Variants in IFT43 observed in about 807,000 individuals in gnomAD.
IFT43 encodes the protein intraflagellar transport 43.
A neutral mutation model predicts 32.3 loss-of-function variants in IFT43; 33 were observed. The ratio of observed to expected loss-of-function variants is 1.02; its 90% CI spans 0.77 to 1.37. The LOEUF (loss-of-function observed/expected upper bound fraction) is 1.37. Among genes scored for constraint, IFT43 ranks in the 40% most tolerant of loss-of-function variants. IFT43 has a pLI of 0.00. For missense variants in IFT43, 274 were observed against 265.9 expected, an observed-to-expected ratio of 1.03 and a Z score of -0.21; for synonymous variants, 93 against 98.2, an observed-to-expected ratio of 0.95 and a Z score of 0.31.
intron 5 of IFT43, among the ~76,000 whole-genome samples, chr14:76,060,851 TTCCTTC>T (rs1191338131): frequency 1.4e-3 from 202 of 140,956 alleles, no homozygotes; most frequent in Middle Eastern, 3.5e-3. Context: ...CCTTCCTTCC[TTCCTTC>T]CTTCTTTTCT....
At chr14:75,992,322 G>A (rs1045827187) in intron 2 of IFT43, among the ~76,000 whole-genome samples, 12 of 152,184 alleles carry the variant, frequency 7.9e-5, no homozygotes, top group Non-Finnish European at 2.9e-5. Flanking sequence ...AGTGAGATAC[G>A]CATTGAGACG....
intron 2 of IFT43, among the ~76,000 whole-genome samples, chr14:76,016,350 A>C (rs993989008): frequency 6.6e-6 from 1 of 152,152 alleles, no homozygotes. Flanking sequence ...TTGTTTTCAA[A>C]AATCGTTTGG....
chr14:75,987,344 G>A (rs1416193612), intron 1 of IFT43, among the ~76,000 whole-genome samples: 1 of 152,218 alleles, frequency 6.6e-6, no homozygotes, highest in Admixed American at 6.5e-5. Flanking sequence ...AAACCTAAAT[G>A]ACACTACAAT....
At chr14:76,043,148 T>C (rs1318239459) in intron 3 of IFT43, among the ~76,000 whole-genome samples, 2 of 152,214 alleles carry the variant, frequency 1.3e-5, no homozygotes, top group Non-Finnish European at 2.9e-5. Flanking sequence ...TCCAAAAGGA[T>C]GTGTGAACAT....
In IFT43 at chr14:76,083,661, G is replaced by T. The variant is rs1253878345; in HGVS notation, c.*84G>T. 1 of 1,261,290 alleles carries T rather than the reference G, an allele frequency of 7.9e-7. No homozygotes were observed. The highest frequency in any genetic ancestry group is 1.8e-5 in the Admixed American group (1 of 56,544). 78.1% of individuals were successfully genotyped at this position (1,261,290 alleles called of 1,614,324 possible). On this transcript the variant is annotated 3_prime_UTR_variant, in exon 9 of 9. Coordinates refer to ENST00000314067, the MANE Select transcript of IFT43 (RefSeq NM_001102564.3). The stretch of plus-strand genomic sequence containing the variant: ...TGTAAGCAGCTCCGAATTTTTACCT[G>T]GAATATTTTGTAATAAAAATATTTA...
At chr14:75,997,651 G>A (rs2035772595) in intron 2 of IFT43, among the ~76,000 whole-genome samples, 1 of 152,070 alleles carries the variant, frequency 6.6e-6, no homozygotes, top group African/African-American at 2.4e-5. Context: ...TACCTTTGTT[G>A]TAATGAGAAG....
chr14:76,005,972 T>C (rs1171069321), intron 2 of IFT43, among the ~76,000 whole-genome samples: 1 of 152,138 alleles, frequency 6.6e-6, no homozygotes, highest in Non-Finnish European at 1.5e-5. Flanking sequence ...TTTTTTTTTT[T>C]CAGATGATAT....
intron 5 of IFT43, chr14:76,076,830 C>T: frequency 2.2e-6 from 2 of 900,370 alleles, no homozygotes; most frequent in African/African-American, 1.6e-5. Flanking sequence ...GTTGCCCTCA[C>T]ATCCAACAGC....
At chr14:76,042,119 C>CAG (rs1468842617) in intron 3 of IFT43, among the ~76,000 whole-genome samples, 1 of 151,974 alleles carries the variant, frequency 6.6e-6, no homozygotes, top group Non-Finnish European at 1.5e-5. Context: ...CACACACACA[C>CAG]ACACACACGT....
intron 1 of IFT43, among the ~76,000 whole-genome samples, chr14:75,987,659 TG>T (rs1356674906): frequency 6.6e-6 from 1 of 152,246 alleles, no homozygotes; most frequent in African/African-American, 2.4e-5. Flanking sequence ...ATATTAATGC[TG>T]TTTTTTTTAA....
chr14:75,997,454 A>G (rs1197057017), intron 2 of IFT43, among the ~76,000 whole-genome samples: 3 of 152,260 alleles, frequency 2.0e-5, no homozygotes, highest in African/African-American at 4.8e-5. Context: ...CTGCATCTTC[A>G]GTGCAACCAC....
chr14:76,047,918 A>G (rs972264065), intron 3 of IFT43, among the ~76,000 whole-genome samples: 43 of 152,034 alleles, frequency 2.8e-4, no homozygotes, highest in Non-Finnish European at 5.3e-4. Flanking sequence ...AGGGTTGGTG[A>G]TCATTCACAG....
At chr14:76,064,298 A>G (rs2037191625) in intron 5 of IFT43, among the ~76,000 whole-genome samples, 1 of 152,196 alleles carries the variant, frequency 6.6e-6, no homozygotes, top group Non-Finnish European at 1.5e-5. Flanking sequence ...GTCTTTTACC[A>G]GTGCTAAATT....
intron 1 of IFT43, chr14:75,986,047 C>G: frequency 1.3e-5 from 20 of 1,518,538 alleles, no homozygotes; most frequent in Non-Finnish European, 1.8e-5. Context: ...TCTTTAAAAT[C>G]CTCAGAAAGT....
At chr14:76,000,353 C>T (rs1197415830) in intron 2 of IFT43, among the ~76,000 whole-genome samples, 5 of 150,572 alleles carry the variant, frequency 3.3e-5, no homozygotes, top group Non-Finnish European at 5.9e-5. Context: ...CAAGCTCCGC[C>T]TTCTGGATTC....
chr14:76,031,501 G>A (rs920149943), intron 3 of IFT43, among the ~76,000 whole-genome samples: 1 of 152,192 alleles, frequency 6.6e-6, no homozygotes, highest in African/African-American at 2.4e-5. Flanking sequence ...AAACAAGAAG[G>A]TGACGCAGAA....
chr14:76,034,242 T>C (rs2036558749), intron 3 of IFT43, among the ~76,000 whole-genome samples: 1 of 152,190 alleles, frequency 6.6e-6, no homozygotes, highest in Admixed American at 6.5e-5. Flanking sequence ...AGGGTGCCAT[T>C]GTGGTTGGGT....
chr14:76,054,849 G>GGGAAT (rs973444128), intron 3 of IFT43, among the ~76,000 whole-genome samples: 5 of 152,178 alleles, frequency 3.3e-5, no homozygotes, highest in African/African-American at 1.2e-4. Flanking sequence ...CTCAGAAGTT[G>GGGAAT]GGAATGAAGT....
chr14:76,013,622 C>T (rs986437134), intron 2 of IFT43: 1 of 216,002 alleles, frequency 4.6e-6, no homozygotes, highest in Non-Finnish European at 9.9e-6. Context: ...GCAAAAGAAA[C>T]CAACTAGACC....
Sources: gnomAD v4.1 joint callset for allele counts (sites outside exome capture counted in the v4.1 genomes callset) on GRCh38, gnomAD v4.1.1 for gene constraint, MANE v1.5 for transcripts, NCBI Gene and HGNC (gene_info 2026-07-23, HGNC 2026-07-21) for gene names.